Variants in ATP6V1H observed in about 807,000 individuals in gnomAD.
ATP6V1H encodes the protein ATPase H+ transporting V1 subunit H.
Under a neutral mutation model 71.7 loss-of-function variants are expected in ATP6V1H, and 39 were observed. The observed-to-expected ratio is 0.54, with a 90% CI of 0.42 to 0.71. The LOEUF (loss-of-function observed/expected upper bound fraction) is 0.71, where lower values mean the gene tolerates loss of function less well. Ranked by LOEUF, ATP6V1H falls within the 30% of genes least tolerant of loss-of-function variation. The pLI, the probability that ATP6V1H is intolerant of heterozygous loss-of-function variation, is 0.00. For synonymous variants in ATP6V1H, 192 were observed against 199.3 expected, an observed-to-expected ratio of 0.96 and a Z score of 0.31; for missense variants, 509 against 594.9, an observed-to-expected ratio of 0.86 and a Z score of 1.50.
intron 13 of ATP6V1H, 62 bp from the exon 14 acceptor site, chr8:53,716,086 A>C: frequency 7.7e-7 from 1 of 1,303,090 alleles, no homozygotes; most frequent in South Asian, 1.3e-5. Context: ...CACTTCCAAA[A>C]TTGAAACACA....
chr8:53,814,139 T>C (rs1810370832), intron 6 of ATP6V1H, among the ~76,000 whole-genome samples: 1 of 152,160 alleles, frequency 6.6e-6, no homozygotes, highest in South Asian at 2.1e-4. Context: ...CCTGGTTATG[T>C]AACCAAAAGG....
chr8:53,757,054 G>A (rs866380856), intron 11 of ATP6V1H, among the ~76,000 whole-genome samples: 36 of 152,278 alleles, frequency 2.4e-4, no homozygotes, highest in African/African-American at 8.4e-4. Flanking sequence ...ATAAGAGGGT[G>A]GACTGAGCAC....
chr8:53,749,763 T>C (rs1807731099), intron 12 of ATP6V1H, among the ~76,000 whole-genome samples: 1 of 150,748 alleles, frequency 6.6e-6, no homozygotes, highest in Non-Finnish European at 1.5e-5. Flanking sequence ...AAAAAAAGTG[T>C]AGCTGTACAA....
At chr8:53,762,491 T>C (rs1808303250) in intron 11 of ATP6V1H, among the ~76,000 whole-genome samples, 1 of 151,958 alleles carries the variant, frequency 6.6e-6, no homozygotes, top group Admixed American at 6.5e-5. Flanking sequence ...CTAAAATGCA[T>C]ACAGAAATGC....
At chr8:53,779,504 T>C (rs1241414429) in intron 9 of ATP6V1H, among the ~76,000 whole-genome samples, 2 of 149,744 alleles carry the variant, frequency 1.3e-5, no homozygotes, top group Admixed American at 6.7e-5. Context: ...TCCTAGTAAA[T>C]AGGACATACT....
intron 9 of ATP6V1H, among the ~76,000 whole-genome samples, chr8:53,780,788 G>C (rs571336172): frequency 2.0e-5 from 3 of 152,204 alleles, no homozygotes; most frequent in Non-Finnish European, 2.9e-5. Context: ...AGAATATGCA[G>C]TGTTTGGTAT....
intron 9 of ATP6V1H, among the ~76,000 whole-genome samples, chr8:53,773,825 AATT>A (rs1808764521): frequency 6.6e-6 from 1 of 152,178 alleles, no homozygotes; most frequent in South Asian, 2.1e-4. Flanking sequence ...AAAACTTATA[AATT>A]ATTTAAAAAG....
chr8:53,839,388 C>A (rs1317625419), intron 2 of ATP6V1H, among the ~76,000 whole-genome samples: 1 of 152,146 alleles, frequency 6.6e-6, no homozygotes, highest in South Asian at 2.1e-4. Context: ...TACACAAACA[C>A]TGATGAACAG....
Position 53,717,916 on chromosome 8 carries a change from C to T in ATP6V1H, c.1392-1892G>A, listed in dbSNP as rs572681873. ...CATTTTAAAAGTGTACTCAAAGACACTGTGCCACTCTCCAATGACAGTAAG... is the reference window on the plus strand; with the variant it reads ...CATTTTAAAAGTGTACTCAAAGACATTGTGCCACTCTCCAATGACAGTAAG... On this transcript the variant is annotated intron_variant, in intron 13 of 13. Transcript: ENST00000359530. 2.0e-5 allele frequency among the ~76,000 whole-genome samples: 3 copies of T among 152,320 alleles called. No homozygotes were observed. In the East Asian group the frequency reaches 5.8e-4, roughly 29 times the overall value.
chr8:53,748,734 C>T (rs1379911815), intron 12 of ATP6V1H, among the ~76,000 whole-genome samples: 3 of 152,130 alleles, frequency 2.0e-5, no homozygotes, highest in Non-Finnish European at 4.4e-5. Context: ...TTATCTCATA[C>T]TTTGTAGTAT....
chr8:53,792,051 A>G (rs1329684416), intron 9 of ATP6V1H, among the ~76,000 whole-genome samples: 3 of 152,242 alleles, frequency 2.0e-5, no homozygotes, highest in Non-Finnish European at 4.4e-5. Context: ...TTTACCTACT[A>G]AAATACTCCA....
intron 9 of ATP6V1H, among the ~76,000 whole-genome samples, chr8:53,792,944 A>G (rs1809616078): frequency 6.6e-6 from 1 of 152,200 alleles, no homozygotes; most frequent in African/African-American, 2.4e-5. Flanking sequence ...CCTAGTGACC[A>G]CTAAATGGAG....
intron 13 of ATP6V1H, among the ~76,000 whole-genome samples, chr8:53,730,425 T>C (rs1053027005): frequency 2.6e-5 from 4 of 152,252 alleles, no homozygotes; most frequent in Admixed American, 2.6e-4. Flanking sequence ...GTTTCTATAA[T>C]AGATCATTTA....
intron 11 of ATP6V1H, among the ~76,000 whole-genome samples, chr8:53,769,361 T>C (rs182093358): frequency 6.6e-6 from 1 of 152,148 alleles, no homozygotes. Context: ...AAAATATATA[T>C]ATGAGACAAC....
chr8:53,777,418 T>TA (rs1000938856), intron 9 of ATP6V1H, among the ~76,000 whole-genome samples: 6 of 149,766 alleles, frequency 4.0e-5, no homozygotes, highest in African/African-American at 1.2e-4. Context: ...GAGAGAGCAT[T>TA]AAAAAAAGAG....
chr8:53,774,440 C>A (rs1317449423), intron 9 of ATP6V1H, among the ~76,000 whole-genome samples: 1 of 152,140 alleles, frequency 6.6e-6, no homozygotes, highest in Non-Finnish European at 1.5e-5. Flanking sequence ...AACAAAACTA[C>A]GATTCTGTGA....
At chr8:53,833,250 C>A in intron 2 of ATP6V1H, 164 bp from the exon 3 acceptor site, 2 of 569,974 alleles carry the variant, frequency 3.5e-6, no homozygotes, top group South Asian at 4.4e-5. Context: ...AGTTTCTCCA[C>A]AAATAAGACA....
At chr8:53,728,644 T>C (rs1806901814) in intron 13 of ATP6V1H, among the ~76,000 whole-genome samples, 2 of 152,308 alleles carry the variant, frequency 1.3e-5, no homozygotes. Flanking sequence ...CTCGACGGCA[T>C]TTGTTAGGTG....
At chr8:53,764,688 A>G (rs1253944415) in intron 11 of ATP6V1H, among the ~76,000 whole-genome samples, 1 of 152,208 alleles carries the variant, frequency 6.6e-6, no homozygotes, top group Non-Finnish European at 1.5e-5. Flanking sequence ...AAGTGTAATA[A>G]GACAAAAAAG....
Sources: allele counts gnomAD v4.1 joint callset (sites outside exome capture counted in the v4.1 genomes callset), GRCh38; gene constraint gnomAD v4.1.1; transcripts MANE v1.5; gene names NCBI Gene and HGNC (gene_info 2026-07-23, HGNC 2026-07-21).